Variants in UNC13D observed in about 807,000 individuals in gnomAD.
UNC13D encodes the protein protein unc-13 homolog D.
UNC13D carries 115 observed loss-of-function variants against 151.7 expected under a neutral mutation model. That is an observed-to-expected ratio of 0.76 (90% confidence interval 0.65 to 0.88). The LOEUF is 0.88. UNC13D is among the 40% of genes least tolerant of loss of function. The probability of loss-of-function intolerance (pLI) is 0.00; values close to 1 mark genes in which losing one functional copy is unlikely to be tolerated. For missense variants in UNC13D, 1,369 were observed against 1,438.7 expected (o/e 0.95, Z 0.78); for synonymous variants, 588 against 612.2 (o/e 0.96, Z 0.58).
chr17:75,836,287 G>T, intron 15 of UNC13D, 31 bp from the exon 16 acceptor site: 1 of 1,613,024 alleles, frequency 6.2e-7, no homozygotes, highest in South Asian at 1.1e-5. Flanking sequence ...AGCAGGGAGG[G>T]ACTGCCAGGC....
chr17:75,835,945 C>T (rs2064905566), intron 17 of UNC13D, 39 bp from the exon 18 acceptor site: 1 of 1,614,046 alleles, frequency 6.2e-7, no homozygotes, highest in Non-Finnish European at 8.5e-7. Context: ...GTGGCATACA[C>T]CAGGGTCCCC....
At chr17:75,837,006 C>CCCTCCTCCAGGGCCCCTGGTTGAGAA in intron 12 of UNC13D, 88 bp from the exon 13 acceptor site, 2 of 1,211,602 alleles carry the variant, frequency 1.7e-6, no homozygotes, top group Non-Finnish European at 1.2e-6. Context: ...GGAATCGCCT[C>CCCTCCTCCAGGGCCCCTGGTTGAGAA]CCATCCACCA....
In UNC13D at chr17:75,830,439, G is replaced by T. The variant is rs957416863; in HGVS notation, c.2753C>A (p.Ala918Asp). Residue 918 changes from alanine to aspartate, a missense_variant, in exon 29 of 32, where the codon GCC (alanine) becomes GAC (aspartate). Coordinates refer to ENST00000207549, the MANE Select transcript of UNC13D (RefSeq NM_199242.3). ...CTTCTGCTCAGAGGCGCGGTAGGAG[G>T]CCTTGACTGTCACAGCCCCCAGCTC... ...SEELGAVTVK[A>D]SYRASEQKLR... 3.8e-6 allele frequency: 6 copies of T among 1,586,188 alleles called. No individual in the cohort carries two copies. Among genetic ancestry groups the T allele is most frequent in the Non-Finnish European group, 5.1e-6 (6 of 1,167,222 alleles).
intron 12 of UNC13D, among the ~76,000 whole-genome samples, chr17:75,837,302 G>A (rs996302302): frequency 1.3e-5 from 2 of 150,976 alleles, no homozygotes; most frequent in Non-Finnish European, 3.0e-5. Context: ...CTGACCTCAA[G>A]TGATCCACCC....
In UNC13D at chr17:75,841,050, C is replaced by T. The variant is rs956580038; in HGVS notation, c.570-49G>A. 6.2e-6 allele frequency: 10 copies of T among 1,612,132 alleles called. No homozygotes were observed. The Middle Eastern group carries it at 6.6e-4, about 106-fold the overall frequency. On this transcript the variant is annotated intron_variant, in intron 6 of 31. Transcript: ENST00000207549. ...TGAGGGCCCTGGAGGGTGGATGCCC[C>T]CAGACGAAGCAGTAAGTGACCACAG... is the stretch of plus-strand genomic sequence containing the variant.
At chr17:75,843,332 G>C in intron 2 of UNC13D, 66 bp from the exon 3 acceptor site, 1 of 1,592,384 alleles carries the variant, frequency 6.3e-7, no homozygotes, top group Non-Finnish European at 8.5e-7. Flanking sequence ...CTCTCGCCAT[G>C]GGCAGGACAA....
intron 31 of UNC13D, 30 bp from the exon 32 acceptor site, chr17:75,828,116 G>A (rs1301657193): frequency 8.3e-6 from 13 of 1,566,550 alleles, no homozygotes; most frequent in Admixed American, 5.7e-5. Context: ...GGGGTCAGAT[G>A]CCAGGGGAGA....
chr17:75,842,332 C>T lies in UNC13D; in HGVS notation c.569+101G>A. ...TAGTCTTTGCCCAGGGCCAAACCCC[C>T]TCCCCTGAGCCAGGACGACCTACTC... On this transcript the variant is annotated intron_variant, in intron 6 of 31. Coordinates refer to ENST00000207549, the MANE Select transcript of UNC13D (RefSeq NM_199242.3). The T allele has an allele frequency of 3.3e-6, 5 of 1,493,284 alleles. No homozygotes were observed. In the South Asian group the frequency reaches 3.9e-5, roughly 12 times the overall value. 92.5% of individuals were successfully genotyped at this position (1,493,284 alleles called of 1,614,324 possible).
rs756300965 is a variant in UNC13D at position 75,840,257 on chromosome 17, A to T, written c.826T>A (p.Cys276Ser). 3 of 1,614,018 alleles carry T rather than the reference A, an allele frequency of 1.9e-6. No homozygotes were observed. Among genetic ancestry groups the T allele is most frequent in the Admixed American group, 3.3e-5 (2 of 60,028 alleles). The part of the protein sequence containing the change: ...RTETYPDRGQ[C>S]HLQFQLIHKR... ...TGGATGAGTTGGAACTGGAGGTGGCACTGGCCTCGGTCTGGGTAGGTCTCA... is the reference window on the plus strand; with the variant it reads ...TGGATGAGTTGGAACTGGAGGTGGCTCTGGCCTCGGTCTGGGTAGGTCTCA... The change falls in exon 10 of 32, where the codon TGC becomes AGC. Residue 276 changes from cysteine to serine, a missense_variant. Cys to Ser is a moderately radical substitution (Grantham distance 112, BLOSUM62 -1). Transcript: ENST00000207549. The surrounding 1 kb of genome is among the most constrained non-coding windows in gnomAD (Gnocchi z 4.6).
chr17:75,837,102 G>C (rs780786740), intron 12 of UNC13D, among the ~76,000 whole-genome samples, 184 bp from the exon 13 acceptor site: 1 of 150,662 alleles, frequency 6.6e-6, no homozygotes, highest in African/African-American at 2.5e-5. Context: ...GTCTCACTCC[G>C]TCACCCAGGC....
chr17:75,841,358 T>C (rs1275852162), intron 6 of UNC13D, among the ~76,000 whole-genome samples: 2 of 151,476 alleles, frequency 1.3e-5, no homozygotes, highest in African/African-American at 4.8e-5. Context: ...TTGGCCACAC[T>C]GGTCTTGAGC....
intron 6 of UNC13D, among the ~76,000 whole-genome samples, chr17:75,841,315 T>G (rs1331195088): frequency 3.3e-5 from 5 of 151,238 alleles, no homozygotes; most frequent in African/African-American, 1.2e-4. Context: ...TGGCTAATTT[T>G]TGTATTTTTA....
Position 75,842,538 on chromosome 17 carries a change from T to G in UNC13D, c.464A>C (p.His155Pro), listed in dbSNP as rs769765917. Reference protein sequence around the residue: ...GVPGGSPGSRHRQKAVVRHTI... With the variant: ...GVPGGSPGSRPRQKAVVRHTI... ...GTGCCTCACCACAGCCTTCTGCCGA[T>G]GCCGGGACCCGGGGCTGCCCCCTGG... Residue 155 changes from histidine (H) to proline (P), a missense_variant, in exon 6 of 32, where the codon CAT becomes CCT. His to Pro is a moderately conservative substitution (Grantham distance 77, BLOSUM62 -2). Around this residue, in one of 3 missense-constraint regions of UNC13D, gnomAD observed 550 missense variants for 609.0 expected, o/e 0.90. Transcript: ENST00000207549. 5.6e-6 allele frequency: 9 copies of G among 1,612,716 alleles called. No individual in the cohort carries two copies. In the South Asian group the frequency reaches 8.8e-5, roughly 16 times the overall value.
Position 75,827,814 on chromosome 17 carries a change from G to A in UNC13D, c.*151C>T. 6.7e-7 allele frequency: 1 copy of A among 1,489,082 alleles called. No individual in the cohort carries two copies. The highest frequency in any genetic ancestry group is 8.9e-7 in the Non-Finnish European group (1 of 1,119,160). The allele number at this position is 1,489,082 out of a possible 1,614,324, so 92.2% of individuals were successfully genotyped here. Reference sequence around the variant, plus strand: ...GCCCCCATCACCATGGGAGGCAGGGGAGGTCTGCACTCTGGGCACTCCGCA... The same window carrying A: ...GCCCCCATCACCATGGGAGGCAGGGAAGGTCTGCACTCTGGGCACTCCGCA... On this transcript the variant is annotated 3_prime_UTR_variant, in exon 32 of 32. Coordinates refer to ENST00000207549, the MANE Select transcript of UNC13D (RefSeq NM_199242.3).
intron 1 of UNC13D, chr17:75,843,827 G>C: frequency 1.5e-6 from 2 of 1,376,802 alleles, no homozygotes; most frequent in Non-Finnish European, 1.9e-6. Context: ...ACCCAGCAGC[G>C]GAAGTGAGGC....
Position 75,842,904 on chromosome 17 carries a change from T to G in UNC13D, c.341A>C (p.Lys114Thr), listed in dbSNP as rs2064959047. ...RELEKPIFCL[K>T]ATVKQAKGIL... The stretch of plus-strand genomic sequence containing the variant: ...GCCCTTGGCCTGTTTCACTGTTGCC[T>G]TCAGACAAAATATTGGCTTCTGGAG... The change falls in exon 5 of 32, where the codon AAG (lysine) becomes ACG (threonine). Residue 114 changes from lysine to threonine, a missense_variant. Physicochemically the swap from Lys to Thr is moderately conservative, Grantham distance 78 (BLOSUM62 -1). Around this residue, in one of 3 missense-constraint regions of UNC13D, gnomAD observed 550 missense variants for 609.0 expected, o/e 0.90. Coordinates refer to ENST00000207549, the MANE Select transcript of UNC13D (RefSeq NM_199242.3). 1 of 1,613,422 alleles carries G rather than the reference T, an allele frequency of 6.2e-7. No individual in the cohort carries two copies. The highest frequency in any genetic ancestry group is 8.5e-7 in the Non-Finnish European group (1 of 1,179,992).
Position 75,827,908 on chromosome 17 carries a change from C to T in UNC13D, c.*57G>A, listed in dbSNP as rs1348970097. Reference sequence around the variant, plus strand: ...TGTGGCGGGGAAGCCCCAGACCCTACAGGAAAGCCCTTGCAAGTCCCCACC... The same window carrying T: ...TGTGGCGGGGAAGCCCCAGACCCTATAGGAAAGCCCTTGCAAGTCCCCACC... On this transcript the variant is annotated 3_prime_UTR_variant, in exon 32 of 32. Coordinates refer to ENST00000207549, the MANE Select transcript of UNC13D (RefSeq NM_199242.3). 9 of 1,586,356 alleles carry T rather than the reference C, an allele frequency of 5.7e-6. No individual in the cohort carries two copies. Among genetic ancestry groups the T allele is most frequent in the East Asian group, 2.3e-5 (1 of 43,270 alleles).
At chr17:75,836,756 C>G (rs1275238987) in intron 13 of UNC13D, 45 bp downstream of exon 13, 2 of 1,613,438 alleles carry the variant, frequency 1.2e-6, no homozygotes, top group South Asian at 1.1e-5. Flanking sequence ...CCTGCCCCTT[C>G]CCTGAGCCCT....
In UNC13D at chr17:75,833,146, T is replaced by G; in HGVS notation, c.2368-101A>C. 1 of 1,205,804 alleles carries G rather than the reference T, an allele frequency of 8.3e-7. No individual in the cohort carries two copies. The highest frequency in any genetic ancestry group is 2.6e-5 in the East Asian group (1 of 38,534). 74.7% of individuals were successfully genotyped at this position (1,205,804 alleles called of 1,614,324 possible). A position where few individuals can be genotyped will look rare whatever the true frequency, so the allele number is the denominator to read the frequency against. On this transcript the variant is annotated intron_variant, in intron 24 of 31. Transcript: ENST00000207549. This position sits in a 1 kb window ranked among gnomAD's most constrained non-coding sequence, Gnocchi z 4.0. ...AGGGAGGAAACAGGGCTGGGAACCG[T>G]TCTGTGAGAGCAGTTTGTAGTGTCT...
Sources: gnomAD v4.1 joint callset for allele counts (sites outside exome capture counted in the v4.1 genomes callset) on GRCh38, gnomAD v4.1.1 for gene constraint, gnomAD v4.1.1 regional missense constraint, Gnocchi (gnomAD v3.1) non-coding constraint, MANE v1.5 for transcripts, NCBI Gene and HGNC (gene_info 2026-07-23, HGNC 2026-07-21) for gene names.